MBNL2: variants seen among roughly 807,000 people sequenced by gnomAD.
MBNL2 encodes the protein muscleblind like splicing regulator 2.
A neutral mutation model predicts 41.9 loss-of-function variants in MBNL2; 17 were observed. That is an observed-to-expected ratio of 0.41 (90% CI 0.28 to 0.61). MBNL2 has a LOEUF of 0.61. Ranked by LOEUF, MBNL2 falls within the 20% of genes least tolerant of loss-of-function variation. MBNL2 has a pLI of 0.35. For missense variants in MBNL2, 336 were observed against 505.6 expected, an observed-to-expected ratio of 0.66 and a Z score of 3.22; for synonymous variants, 195 against 182.9, an observed-to-expected ratio of 1.07 and a Z score of -0.53.
intron 2 of MBNL2, among the ~76,000 whole-genome samples, chr13:97,280,587 C>T (rs1334649569): frequency 6.6e-6 from 1 of 152,196 alleles, no homozygotes; most frequent in East Asian, 1.9e-4. Context: ...CTTCCAGTGG[C>T]TTCTCACCAC....
At position 97,346,423 on chromosome 13, in the gene MBNL2, T is replaced by A. The variant is rs1170032898; in HGVS notation, c.541-381T>A. Among the ~76,000 whole-genome samples the A allele has an allele frequency of 6.6e-6, 1 of 151,922 alleles. No individual in the cohort carries two copies. The highest frequency in any genetic ancestry group is 1.5e-5 in the Non-Finnish European group (1 of 67,986). On this transcript the variant is annotated intron_variant, in intron 4 of 8. Transcript: ENST00000679496. The surrounding 1 kb of genome is among the most constrained non-coding windows in gnomAD (Gnocchi z 4.2). ...GGTAGATGATAGATGAAGGAATGGA[T>A]GCATGGATAAATAGATAGATGATAG...
chr13:97,360,164 T>C (rs1219488220), intron 7 of MBNL2, among the ~76,000 whole-genome samples: 1 of 152,230 alleles, frequency 6.6e-6, no homozygotes, highest in Non-Finnish European at 1.5e-5. Context: ...CTATAAATGT[T>C]TTACGTAAAC....
the MBNL2 span, among the ~76,000 whole-genome samples, chr13:97,167,101 G>A: frequency 6.6e-6 from 1 of 152,124 alleles, no homozygotes; most frequent in Non-Finnish European, 1.5e-5. Context: ...AATATTTGTT[G>A]AACTAATGAA....
the MBNL2 span, among the ~76,000 whole-genome samples, chr13:97,190,060 G>T: frequency 6.6e-6 from 1 of 152,194 alleles, no homozygotes; most frequent in South Asian, 2.1e-4. Flanking sequence ...AGACAGCGTG[G>T]GGCTCGGGCC....
At chr13:97,330,118 C>G (rs1487057534) in intron 2 of MBNL2, among the ~76,000 whole-genome samples, 1 of 152,224 alleles carries the variant, frequency 6.6e-6, no homozygotes, top group East Asian at 1.9e-4. Flanking sequence ...GCACTAAGCA[C>G]AATGCCTGGC....
rs1295893326 is a variant in MBNL2 at position 97,346,584 on chromosome 13, T to A, written c.541-220T>A. ...TGCAGATTTCGTATTATTTTCTCAA[T>A]ATAGATTTTCACCCTAGAAAAGGCG... On this transcript the variant is annotated intron_variant, in intron 4 of 8. Transcript: ENST00000679496. This position sits in a 1 kb window ranked among gnomAD's most constrained non-coding sequence, Gnocchi z 4.2. Among the ~76,000 whole-genome samples the A allele has an allele frequency of 6.6e-6, 1 of 152,198 alleles. No individual in the cohort carries two copies. Among genetic ancestry groups the A allele is most frequent in the Non-Finnish European group, 1.5e-5 (1 of 68,028 alleles).
chr13:97,261,494 T>C (rs1035554202), intron 1 of MBNL2, among the ~76,000 whole-genome samples: 1 of 152,172 alleles, frequency 6.6e-6, no homozygotes, highest in Non-Finnish European at 1.5e-5. Context: ...ACCTTTGAAA[T>C]TTGGCAGCAC....
chr13:97,266,347 T>C (rs1177580468), intron 1 of MBNL2, among the ~76,000 whole-genome samples: 2 of 152,266 alleles, frequency 1.3e-5, no homozygotes, highest in Admixed American at 1.3e-4. Context: ...CCTGCCTCAA[T>C]GTTTTTCTTT....
chr13:97,280,967 A>G (rs896218494), intron 2 of MBNL2, among the ~76,000 whole-genome samples: 2 of 152,216 alleles, frequency 1.3e-5, no homozygotes, highest in African/African-American at 4.8e-5. Context: ...TAACACGAGC[A>G]TTTGATATGA....
rs373572019 is a variant in MBNL2, at chr13:97,347,086, C to T, written c.804+19C>T. On this transcript the variant is annotated intron_variant, in intron 5 of 8. Transcript: ENST00000679496. The stretch of plus-strand genomic sequence containing the variant: ...AGTCATGGTAAGTGCGGCCGCCCGC[C>T]GCCCCTGCACCCCGGCGCCTCTGCG... The T allele has an allele frequency of 4.3e-4, 651 of 1,514,940 alleles. 1 individual carries two copies. The highest frequency in any genetic ancestry group is 5.1e-4 in the Non-Finnish European group (582 of 1,133,790). 93.8% of individuals were successfully genotyped at this position (1,514,940 alleles called of 1,614,324 possible).
At chr13:97,328,584 T>A (rs2060110891) in intron 2 of MBNL2, among the ~76,000 whole-genome samples, 1 of 152,196 alleles carries the variant, frequency 6.6e-6, no homozygotes, top group Non-Finnish European at 1.5e-5. Flanking sequence ...CTAGAATCGT[T>A]TTCCCCAAGA....
At chr13:97,361,711 T>C (rs2063406067) in intron 7 of MBNL2, among the ~76,000 whole-genome samples, 1 of 144,554 alleles carries the variant, frequency 6.9e-6, no homozygotes, top group Non-Finnish European at 1.5e-5. Flanking sequence ...GACACCCCCC[T>C]CCACACTGGA....
intron 8 of MBNL2, among the ~76,000 whole-genome samples, chr13:97,377,413 C>T (rs1436663408): frequency 6.6e-6 from 1 of 152,184 alleles, no homozygotes; most frequent in Non-Finnish European, 1.5e-5. Context: ...AGCCGCAATT[C>T]AGCTTGAATA....
chr13:97,267,771 T>C (rs2050104586), intron 1 of MBNL2, among the ~76,000 whole-genome samples: 1 of 152,230 alleles, frequency 6.6e-6, no homozygotes, highest in South Asian at 2.1e-4. Context: ...GTTTTGTTTT[T>C]ATTGATCAGA....
intron 5 of MBNL2, among the ~76,000 whole-genome samples, chr13:97,349,721 C>G (rs1241510928): frequency 6.6e-6 from 1 of 152,078 alleles, no homozygotes; most frequent in Non-Finnish European, 1.5e-5. Context: ...GAGATGGACT[C>G]AGGAACGCCT....
intron 1 of MBNL2, among the ~76,000 whole-genome samples, chr13:97,275,377 G>A (rs1026806548): frequency 5.3e-5 from 8 of 152,294 alleles, no homozygotes; most frequent in Middle Eastern, 3.4e-3. Flanking sequence ...TGTTTCAGAA[G>A]GCCTAATTAT....
At chr13:97,199,644 G>A in the MBNL2 span, among the ~76,000 whole-genome samples, 2 of 152,198 alleles carry the variant, frequency 1.3e-5, no homozygotes, top group Admixed American at 1.3e-4. Context: ...GCTCATCCCT[G>A]GGAAGCCTCT....
At chr13:97,341,775 T>A (rs957881167) in intron 3 of MBNL2, among the ~76,000 whole-genome samples, 1 of 152,250 alleles carries the variant, frequency 6.6e-6, no homozygotes, top group African/African-American at 2.4e-5. Flanking sequence ...AAGAGATATT[T>A]TTCTGTTACT....
intron 5 of MBNL2, among the ~76,000 whole-genome samples, chr13:97,351,785 G>T (rs1433630247): frequency 6.6e-6 from 1 of 152,048 alleles, no homozygotes; most frequent in African/African-American, 2.4e-5. Flanking sequence ...GCACTTTGCG[G>T]GGCAGAGGTG....
Sources: allele counts gnomAD v4.1 joint callset (sites outside exome capture counted in the v4.1 genomes callset), GRCh38; gene constraint gnomAD v4.1.1; non-coding constraint Gnocchi (gnomAD v3.1); transcripts MANE v1.5; gene names NCBI Gene and HGNC (gene_info 2026-07-23, HGNC 2026-07-21).